Variants in FBXO25 observed in about 807,000 individuals in gnomAD.
FBXO25 encodes F-box protein 25, also known as F-box only protein 25.
Under a neutral mutation model 51.9 loss-of-function variants are expected in FBXO25, and 45 were observed. That is an observed-to-expected ratio of 0.87 (90% CI 0.68 to 1.11). The LOEUF (loss-of-function observed/expected upper bound fraction) is 1.11. Ranked by LOEUF, FBXO25 falls within the 50% of genes most tolerant of loss-of-function variation. FBXO25 has a pLI of 0.00. For missense variants in FBXO25, 507 were observed against 428.5 expected, an observed-to-expected ratio of 1.18 and a Z score of -1.62; for synonymous variants, 199 against 151.0, an observed-to-expected ratio of 1.32 and a Z score of -2.33.
Position 471,362 on chromosome 8 carries a change from C to G in FBXO25, c.*2558C>G, listed in dbSNP as rs1224793950. The G allele has an allele frequency of 6.6e-6, 1 of 152,058 alleles. No individual in the cohort carries two copies. Among genetic ancestry groups the G allele is most frequent in the Non-Finnish European group, 1.5e-5 (1 of 68,010 alleles). 9.4% of individuals were successfully genotyped at this position (152,058 alleles called of 1,614,324 possible). On this transcript the variant is annotated 3_prime_UTR_variant, in exon 10 of 10. Coordinates refer to ENST00000350302, the MANE Select transcript of FBXO25 (RefSeq NM_183420.2). ...TTATTTACAGAAGATCGGACAACAC[C>G]AAACAGAGATGAGAAGAGAAATCAT...
At chr8:439,091 G>C (rs1284718244) in intron 5 of FBXO25, among the ~76,000 whole-genome samples, 8 of 152,244 alleles carry the variant, frequency 5.3e-5, no homozygotes, top group Non-Finnish European at 2.9e-5. Flanking sequence ...TGTAAACACA[G>C]AGAGGGAGAC....
At position 409,695 on chromosome 8, in the gene FBXO25, C is replaced by A. The variant is rs1365212538; in HGVS notation, c.-8+2629C>A. Among the ~76,000 whole-genome samples, 12 of 152,188 alleles carry A rather than the reference C, an allele frequency of 7.9e-5. 1 individual carries two copies. Among genetic ancestry groups the A allele is most frequent in the African/African-American group, 1.7e-4 (7 of 41,530 alleles). ...TGAGGATACCGGGATGTACATAGGA[C>A]AGTCATCCAGATAAGGTTCTGTTGG... On this transcript the variant is annotated intron_variant, in intron 1 of 9. Coordinates refer to ENST00000350302, the MANE Select transcript of FBXO25 (RefSeq NM_183420.2).
rs1796190143 is a variant in FBXO25 at position 406,979 on chromosome 8, A to C, written c.-95A>C. On this transcript the variant is annotated 5_prime_UTR_variant, in exon 1 of 10. Coordinates refer to ENST00000350302, the MANE Select transcript of FBXO25 (RefSeq NM_183420.2). ...CGGCAATAACCGCCTGGTCGCCGTCAGGTGCGGGCCCAGGTGGCCGGCGCG... is the reference window on the plus strand; with the variant it reads ...CGGCAATAACCGCCTGGTCGCCGTCCGGTGCGGGCCCAGGTGGCCGGCGCG... 6.6e-6 allele frequency: 1 copy of C among 152,216 alleles called. No individual in the cohort carries two copies. Among genetic ancestry groups the C allele is most frequent in the Non-Finnish European group, 1.5e-5 (1 of 68,070 alleles). 9.4% of individuals were successfully genotyped at this position (152,216 alleles called of 1,614,324 possible). A position where few individuals can be genotyped will look rare whatever the true frequency, so the allele number is the denominator to read the frequency against.
chr8:419,168 C>T (rs925817293), intron 2 of FBXO25, among the ~76,000 whole-genome samples: 4 of 151,066 alleles, frequency 2.6e-5, no homozygotes, highest in Admixed American at 6.6e-5. Flanking sequence ...AAGACCAGCC[C>T]GGCCAACATG....
chr8:457,417 C>G (rs569843660), intron 7 of FBXO25, among the ~76,000 whole-genome samples: 1 of 152,336 alleles, frequency 6.6e-6, no homozygotes, highest in South Asian at 2.1e-4. Context: ...AGCCACCCTT[C>G]CTCAGCCTGG....
At chr8:438,226 T>G (rs1433915958) in intron 5 of FBXO25, among the ~76,000 whole-genome samples, 2 of 152,098 alleles carry the variant, frequency 1.3e-5, no homozygotes, top group African/African-American at 4.8e-5. Flanking sequence ...GGCTAATTCT[T>G]TTTTGTATTT....
At chr8:425,337 A>G (rs141982804) in intron 2 of FBXO25, among the ~76,000 whole-genome samples, 2 of 150,496 alleles carry the variant, frequency 1.3e-5, no homozygotes, top group Non-Finnish European at 3.0e-5. Context: ...TTTTCTCTCT[A>G]TCCCTTTCTT....
chr8:430,909 C>T (rs958374279), intron 2 of FBXO25, among the ~76,000 whole-genome samples: 1 of 152,188 alleles, frequency 6.6e-6, no homozygotes, highest in Admixed American at 6.5e-5. Flanking sequence ...TAATTAACTT[C>T]AGGTAAACCC....
intron 4 of FBXO25, 28 bp from the exon 5 acceptor site, chr8:435,585 CTA>C: frequency 6.3e-7 from 1 of 1,590,988 alleles, no homozygotes; most frequent in African/African-American, 1.4e-5. Flanking sequence ...GGCTAATTGA[CTA>C]ATTTTAACTT....
At chr8:431,741 G>C (rs1353571672) in intron 3 of FBXO25, among the ~76,000 whole-genome samples, 1 of 152,220 alleles carries the variant, frequency 6.6e-6, no homozygotes, top group Non-Finnish European at 1.5e-5. Context: ...CAAACTGAGA[G>C]GTGTCCTGAC....
intron 2 of FBXO25, among the ~76,000 whole-genome samples, chr8:430,580 A>G (rs1797767798): frequency 6.6e-6 from 1 of 152,174 alleles, no homozygotes; most frequent in Non-Finnish European, 1.5e-5. Context: ...GCCTCCACCA[A>G]CCAGCTTGTC....
intron 5 of FBXO25, among the ~76,000 whole-genome samples, chr8:441,301 C>G (rs1329569251): frequency 1.3e-5 from 2 of 152,154 alleles, no homozygotes; most frequent in African/African-American, 2.4e-5. Flanking sequence ...GTTGGAAAAA[C>G]TGGCTAGCCA....
intron 2 of FBXO25, among the ~76,000 whole-genome samples, chr8:421,637 A>G (rs1464746770): frequency 6.6e-6 from 1 of 152,172 alleles, no homozygotes; most frequent in Admixed American, 6.5e-5. Flanking sequence ...GGGTCTATGC[A>G]TGTGTGAGTT....
rs912056532 is a variant in FBXO25 at position 470,987 on chromosome 8, T to C, written c.*2183T>C. 3.3e-5 allele frequency: 5 copies of C among 152,352 alleles called. No individual in the cohort carries two copies. The highest frequency in any genetic ancestry group is 1.9e-4 in the East Asian group (1 of 5,186). 9.4% of individuals were successfully genotyped at this position (152,352 alleles called of 1,614,324 possible). On this transcript the variant is annotated 3_prime_UTR_variant, in exon 10 of 10. Transcript: ENST00000350302. ...TGGTTCTTTCCCCTAATTTGTCATA[T>C]ACTGTTACTGTCATTTAATTGTTAG...
At position 470,727 on chromosome 8, in the gene FBXO25, G is replaced by C. The variant is rs987733619; in HGVS notation, c.*1923G>C. On this transcript the variant is annotated 3_prime_UTR_variant, in exon 10 of 10. Transcript: ENST00000350302. Reference sequence around the variant, plus strand: ...CTAGGAAAGGGAGTAAGTACATTGAGTTTCCATTATCCCTGAAGCACAGGT... The same window carrying C: ...CTAGGAAAGGGAGTAAGTACATTGACTTTCCATTATCCCTGAAGCACAGGT... 6.6e-6 allele frequency: 1 copy of C among 152,178 alleles called. No individual in the cohort carries two copies. Among genetic ancestry groups the C allele is most frequent in the Non-Finnish European group, 1.5e-5 (1 of 68,038 alleles). 9.4% of individuals were successfully genotyped at this position (152,178 alleles called of 1,614,324 possible). A position where few individuals can be genotyped will look rare whatever the true frequency, so the allele number is the denominator to read the frequency against.
intron 7 of FBXO25, among the ~76,000 whole-genome samples, chr8:457,809 C>T (rs1793446450): frequency 6.6e-6 from 1 of 152,204 alleles, no homozygotes; most frequent in Non-Finnish European, 1.5e-5. Flanking sequence ...TTGCATTTAT[C>T]AGTTACACCT....
chr8:476,157 G>C lies in FBXO25; in HGVS notation c.*7353G>C, dbSNP rs1800635970. On this transcript the variant is annotated 3_prime_UTR_variant, in exon 10 of 10. Transcript: ENST00000350302. ...TTTCCTTCATTCTATTAATGTAATA[G>C]ACATTACATTTATTGACTTGAGCAT... The C allele has an allele frequency of 6.6e-6, 1 of 151,950 alleles. No individual in the cohort carries two copies. The highest frequency in any genetic ancestry group is 1.5e-5 in the Non-Finnish European group (1 of 67,994). 9.4% of individuals were successfully genotyped at this position (151,950 alleles called of 1,614,324 possible). A position where few individuals can be genotyped will look rare whatever the true frequency, so the allele number is the denominator to read the frequency against.
intron 2 of FBXO25, among the ~76,000 whole-genome samples, chr8:430,424 A>T (rs1264621825): frequency 6.7e-6 from 1 of 150,096 alleles, no homozygotes; most frequent in Non-Finnish European, 1.5e-5. Context: ...TGAGAAAGTG[A>T]CTCATTTGGC....
chr8:456,630 C>CA (rs1224454293), intron 7 of FBXO25, among the ~76,000 whole-genome samples: 1 of 152,158 alleles, frequency 6.6e-6, no homozygotes, highest in Non-Finnish European at 1.5e-5. Flanking sequence ...CAGGGCAGGA[C>CA]AGCACACTAG....
Sources: allele counts gnomAD v4.1 joint callset (sites outside exome capture counted in the v4.1 genomes callset), GRCh38; gene constraint gnomAD v4.1.1; transcripts MANE v1.5; gene names NCBI Gene and HGNC (gene_info 2026-07-23, HGNC 2026-07-21).